RBMS3: variants seen among roughly 807,000 people sequenced by gnomAD.
RBMS3 encodes the protein RNA binding motif single stranded interacting protein 3.
Under a neutral mutation model 66.8 loss-of-function variants are expected in RBMS3, and 27 were observed. That is an observed-to-expected ratio of 0.40 (90% CI 0.30 to 0.56). The LOEUF (loss-of-function observed/expected upper bound fraction) is 0.56. RBMS3 is among the 20% of genes least tolerant of loss of function. The probability of loss-of-function intolerance (pLI) is 0.40; values close to 1 mark genes in which losing one functional copy is unlikely to be tolerated. For synonymous variants in RBMS3, 188 were observed against 183.0 expected, an observed-to-expected ratio of 1.03 and a Z score of -0.22; for missense variants, 513 against 549.5, an observed-to-expected ratio of 0.93 and a Z score of 0.66.
chr3:29,703,249 T>A (rs1046263393), intron 4 of RBMS3, among the ~76,000 whole-genome samples: 1 of 152,238 alleles, frequency 6.6e-6, no homozygotes, highest in African/African-American at 2.4e-5. Context: ...TACGGAGCTG[T>A]ACTGTCTTCT....
chr3:29,742,076 T>G (rs1377220255), intron 5 of RBMS3, among the ~76,000 whole-genome samples: 1 of 152,178 alleles, frequency 6.6e-6, no homozygotes, highest in Non-Finnish European at 1.5e-5. Flanking sequence ...TTCATTTCTC[T>G]CCCATTTATC....
At chr3:29,683,800 A>T in intron 4 of RBMS3, among the ~76,000 whole-genome samples, 1 of 152,186 alleles carries the variant, frequency 6.6e-6, no homozygotes, top group East Asian at 1.9e-4. Context: ...TAAGAGCCAA[A>T]TTAACTTTTC....
At chr3:29,768,005 G>A (rs553041316) in intron 6 of RBMS3, among the ~76,000 whole-genome samples, 6 of 152,008 alleles carry the variant, frequency 3.9e-5, no homozygotes, top group South Asian at 4.1e-4. Flanking sequence ...CTCAGGTGGC[G>A]CATTGCTTCT....
Position 29,309,264 on chromosome 3 carries a change from C to T in RBMS3, c.75+27508C>T, listed in dbSNP as rs749331489. 9.2e-5 allele frequency among the ~76,000 whole-genome samples: 14 copies of T among 151,604 alleles called. No homozygotes were observed. The South Asian group carries it at 1.0e-3, about 11-fold the overall frequency. On this transcript the variant is annotated intron_variant, in intron 1 of 14. Coordinates refer to ENST00000383767, the MANE Select transcript of RBMS3 (RefSeq NM_001003793.3). The stretch of plus-strand genomic sequence containing the variant: ...AAAGAACAGGTTTTTGGAGACATGA[C>T]GGAGAGTTAAGTTTTGGGCATGTGA...
At chr3:29,837,145 A>T (rs2058531359) in intron 6 of RBMS3, among the ~76,000 whole-genome samples, 1 of 151,860 alleles carries the variant, frequency 6.6e-6, no homozygotes, top group Admixed American at 6.6e-5. Context: ...GACTTGAGTA[A>T]TTTTTTTTCT....
At chr3:29,290,735 T>C (rs767061401) in intron 1 of RBMS3, 1 of 151,842 alleles carries the variant, frequency 6.6e-6, no homozygotes, top group Non-Finnish European at 1.5e-5. Context: ...CTGACTCGTG[T>C]TTAACTTTGT....
At chr3:29,825,121 T>C (rs1417532322) in intron 6 of RBMS3, among the ~76,000 whole-genome samples, 1 of 151,508 alleles carries the variant, frequency 6.6e-6, no homozygotes, top group Non-Finnish European at 1.5e-5. Flanking sequence ...CTGTAACCTC[T>C]ACCTCGCAGC....
chr3:29,628,348 C>T (rs1267872125), intron 4 of RBMS3, among the ~76,000 whole-genome samples: 1 of 152,180 alleles, frequency 6.6e-6, no homozygotes, highest in Non-Finnish European at 1.5e-5. Flanking sequence ...AGGCTTTCCT[C>T]TTATAAAACT....
intron 4 of RBMS3, among the ~76,000 whole-genome samples, chr3:29,691,931 T>TTCTCTCTC (rs146758867): frequency 0.31 from 34,832 of 110,768 alleles, 6,215 homozygotes; most frequent in African/African-American, 0.4. Flanking sequence ...TGTGTGACCC[T>TTCTCTCTC]TCTCTCTCTC....
intron 2 of RBMS3, among the ~76,000 whole-genome samples, chr3:29,457,221 T>C (rs1243581241): frequency 6.6e-6 from 1 of 152,228 alleles, no homozygotes; most frequent in Non-Finnish European, 1.5e-5. Flanking sequence ...ATCTTCTAGA[T>C]GTCTCTCGAG....
chr3:29,588,035 A>T lies in RBMS3; in HGVS notation c.399+830A>T, dbSNP rs76232413. ...TCAGTTCCCTGGTTTTGATATAATC[A>T]TATAAAATGTAAAATTTGTAGAAAC... On this transcript the variant is annotated intron_variant, in intron 4 of 14. Coordinates refer to ENST00000383767, the MANE Select transcript of RBMS3 (RefSeq NM_001003793.3). 2.0e-5 allele frequency among the ~76,000 whole-genome samples: 3 copies of T among 152,072 alleles called. No homozygotes were observed. The East Asian group carries it at 5.8e-4, about 29-fold the overall frequency.
At chr3:29,481,656 G>C (rs1437723649) in intron 2 of RBMS3, among the ~76,000 whole-genome samples, 4 of 152,158 alleles carry the variant, frequency 2.6e-5, no homozygotes, top group African/African-American at 9.7e-5. Context: ...CTAGGTATTG[G>C]CAGAAGGAGA....
chr3:29,955,408 G>A (rs998544193), intron 12 of RBMS3, among the ~76,000 whole-genome samples: 1 of 151,934 alleles, frequency 6.6e-6, no homozygotes, highest in Non-Finnish European at 1.5e-5. Context: ...CAATTTCAAA[G>A]TCACTGCCAC....
At chr3:29,354,991 G>A (rs1422629310) in intron 1 of RBMS3, among the ~76,000 whole-genome samples, 2 of 152,072 alleles carry the variant, frequency 1.3e-5, no homozygotes, top group Non-Finnish European at 2.9e-5. Context: ...AGGCATTTGG[G>A]CAATGTGTTC....
intron 6 of RBMS3, among the ~76,000 whole-genome samples, chr3:29,820,188 C>CAAAAAAAAAAAAAAAAAAAAAAAAAAA (rs71091078): frequency 7.2e-5 from 5 of 69,830 alleles, no homozygotes; most frequent in East Asian, 6.6e-4. Flanking sequence ...GACTTCTTCT[C>CAAAAAAAAAAAAAAAAAAAAAAAAAAA]AAAAAAAAAA....
intron 10 of RBMS3, among the ~76,000 whole-genome samples, chr3:29,904,285 T>C (rs1316648830): frequency 6.6e-6 from 1 of 152,044 alleles, no homozygotes; most frequent in Non-Finnish European, 1.5e-5. Flanking sequence ...TCATTTCTAT[T>C]CTCCGGAAAT....
intron 12 of RBMS3, among the ~76,000 whole-genome samples, chr3:29,949,835 C>T (rs1012199501): frequency 5.3e-5 from 8 of 151,710 alleles, no homozygotes; most frequent in Non-Finnish European, 1.5e-5. Flanking sequence ...GAAAATCAAA[C>T]ATATATTCTG....
At chr3:29,765,081 T>G (rs1042784246) in intron 6 of RBMS3, among the ~76,000 whole-genome samples, 1 of 152,032 alleles carries the variant, frequency 6.6e-6, no homozygotes, top group South Asian at 2.1e-4. Context: ...GAATAAAGGC[T>G]TCAAATGCTA....
Position 29,583,721 on chromosome 3 carries a change from C to T in RBMS3, c.308-3393C>T, listed in dbSNP as rs183652716. On this transcript the variant is annotated intron_variant, in intron 3 of 14. Coordinates refer to ENST00000383767, the MANE Select transcript of RBMS3 (RefSeq NM_001003793.3). ...GTTATTCTATAAATTATCCACTTGT[C>T]CTCCTGTAGTTTTAATCTATTTTCT... Among the ~76,000 whole-genome samples, 3 of 152,210 alleles carry T rather than the reference C, an allele frequency of 2.0e-5. No individual in the cohort carries two copies. In the East Asian group the frequency reaches 5.8e-4, roughly 30 times the overall value.
Sources: gnomAD v4.1 joint callset for allele counts (sites outside exome capture counted in the v4.1 genomes callset) on GRCh38, gnomAD v4.1.1 for gene constraint, MANE v1.5 for transcripts, NCBI Gene and HGNC (gene_info 2026-07-23, HGNC 2026-07-21) for gene names.